The following PIK3C2G variants were observed in gnomAD, a reference collection of about 807,000 sequenced individuals.
PIK3C2G encodes the protein phosphatidylinositol 3-kinase C2 domain-containing subunit gamma.
PIK3C2G carries 168 observed loss-of-function variants against 181.1 expected under a neutral mutation model. The ratio of observed to expected loss-of-function variants is 0.93; its 90% CI spans 0.82 to 1.05. The LOEUF is 1.05. Among genes scored for constraint, PIK3C2G ranks in the 50% least tolerant of loss-of-function variants. PIK3C2G has a pLI of 0.00. For missense variants in PIK3C2G, 1,869 were observed against 1,732.8 expected (o/e 1.08, Z -1.40); for synonymous variants, 573 against 592.2 (o/e 0.97, Z 0.47).
chr12:18,419,576 T>G (rs1216247695), intron 16 of PIK3C2G, among the ~76,000 whole-genome samples: 1 of 152,214 alleles, frequency 6.6e-6, no homozygotes, highest in East Asian at 1.9e-4. Context: ...CACCTGTGCA[T>G]GACGTTATGC....
At chr12:18,292,688 T>C (rs1381297386) in intron 4 of PIK3C2G, among the ~76,000 whole-genome samples, 1 of 152,154 alleles carries the variant, frequency 6.6e-6, no homozygotes, top group East Asian at 1.9e-4. Context: ...CTTTACCCTA[T>C]AGCATGTCTA....
intron 30 of PIK3C2G, among the ~76,000 whole-genome samples, chr12:18,604,137 C>T (rs1947885342): frequency 6.6e-6 from 1 of 152,142 alleles, no homozygotes; most frequent in Non-Finnish European, 1.5e-5. Context: ...CCATCTGCTG[C>T]CTTCAGGAGA....
chr12:18,652,276 T>C (rs1950552194), downstream of PIK3C2G, among the ~76,000 whole-genome samples: 1 of 152,098 alleles, frequency 6.6e-6, no homozygotes. Flanking sequence ...AGTATATGAC[T>C]GATATACTTA....
At chr12:18,545,554 T>C (rs1944379550) in intron 25 of PIK3C2G, among the ~76,000 whole-genome samples, 1 of 151,866 alleles carries the variant, frequency 6.6e-6, no homozygotes, top group Admixed American at 6.6e-5. Context: ...AGTTCTATTA[T>C]TTTCTTTAAA....
chr12:18,429,309 C>T (rs1180039908), intron 18 of PIK3C2G, among the ~76,000 whole-genome samples: 1 of 152,146 alleles, frequency 6.6e-6, no homozygotes, highest in Non-Finnish European at 1.5e-5. Context: ...CCTGCTTACA[C>T]CCTGATTTTG....
At chr12:18,655,008 T>G in the PIK3C2G span, among the ~76,000 whole-genome samples, 1 of 151,770 alleles carries the variant, frequency 6.6e-6, no homozygotes, top group East Asian at 1.9e-4. Context: ...GAATAAAAAG[T>G]TATAAACCCA....
At chr12:18,547,537 T>C (rs946684843) in intron 26 of PIK3C2G, among the ~76,000 whole-genome samples, 4 of 152,014 alleles carry the variant, frequency 2.6e-5, no homozygotes, top group African/African-American at 9.7e-5. Flanking sequence ...CCACAATTAG[T>C]AGAAGTAGCA....
chr12:18,598,865 G>A (rs1396660338), intron 30 of PIK3C2G, among the ~76,000 whole-genome samples: 1 of 151,878 alleles, frequency 6.6e-6, no homozygotes, highest in Non-Finnish European at 1.5e-5. Context: ...CTCAAAAGAA[G>A]ACATTTATGC....
At chr12:18,668,949 G>A in the PIK3C2G span, among the ~76,000 whole-genome samples, 29 of 151,924 alleles carry the variant, frequency 1.9e-4, no homozygotes, top group African/African-American at 5.1e-4. Context: ...AGAAAAAATC[G>A]TGAATAAGAG....
intron 17 of PIK3C2G, among the ~76,000 whole-genome samples, chr12:18,421,508 C>A (rs1945485269): frequency 6.6e-6 from 1 of 151,746 alleles, no homozygotes; most frequent in Non-Finnish European, 1.5e-5. Context: ...TCAAATATCA[C>A]AATGTTGGAG....
intron 13 of PIK3C2G, among the ~76,000 whole-genome samples, chr12:18,379,192 G>T (rs987833945): frequency 5.9e-5 from 9 of 152,020 alleles, no homozygotes; most frequent in South Asian, 4.2e-4. Context: ...CCATAAAAAA[G>T]GATGAGTTCA....
chr12:18,359,978 T>TA (rs1162359055), intron 11 of PIK3C2G, among the ~76,000 whole-genome samples: 3 of 152,172 alleles, frequency 2.0e-5, no homozygotes, highest in Non-Finnish European at 4.4e-5. Context: ...AAGTAATTAA[T>TA]AGTAAAGGAC....
intron 31 of PIK3C2G, among the ~76,000 whole-genome samples, chr12:18,638,737 C>T (rs755400148): frequency 1.3e-5 from 2 of 152,060 alleles, no homozygotes; most frequent in Admixed American, 6.6e-5. Flanking sequence ...ACAAAACTAA[C>T]CATCATACCT....
intron 18 of PIK3C2G, among the ~76,000 whole-genome samples, chr12:18,436,792 T>A (rs557618762): frequency 1.4e-3 from 206 of 152,110 alleles, no homozygotes; most frequent in Non-Finnish European, 2.4e-3. Flanking sequence ...TACAGAATAA[T>A]CTGACGTTCT....
intron 32 of PIK3C2G, among the ~76,000 whole-genome samples, chr12:18,647,269 G>A (rs886480841): frequency 3.3e-5 from 5 of 151,804 alleles, no homozygotes; most frequent in Admixed American, 3.3e-4. Context: ...ACAGAGATGG[G>A]AACCATAAAG....
chr12:18,587,251 G>C (rs781657754), intron 29 of PIK3C2G, among the ~76,000 whole-genome samples: 1 of 152,052 alleles, frequency 6.6e-6, no homozygotes, highest in Non-Finnish European at 1.5e-5. Context: ...CAAATAGGAA[G>C]ATAGGAAGTC....
intron 24 of PIK3C2G, among the ~76,000 whole-genome samples, chr12:18,516,078 C>G (rs1028065836): frequency 4.1e-4 from 62 of 152,002 alleles, no homozygotes; most frequent in African/African-American, 1.4e-3. Context: ...TTAATACATT[C>G]AGGTGTTTTC....
At chr12:18,555,279 T>C (rs1373590537) in intron 26 of PIK3C2G, among the ~76,000 whole-genome samples, 1 of 152,194 alleles carries the variant, frequency 6.6e-6, no homozygotes, top group East Asian at 1.9e-4. Flanking sequence ...CTCTCCTCAA[T>C]GCTTAGTCTG....
the PIK3C2G span, among the ~76,000 whole-genome samples, chr12:18,686,935 T>C: frequency 0.45 from 68,169 of 151,710 alleles, 16,018 homozygotes; most frequent in African/African-American, 0.59. Flanking sequence ...AGAATCACAG[T>C]ATTATAAGGG....
Sources: gnomAD v4.1 joint callset for allele counts (sites outside exome capture counted in the v4.1 genomes callset) on GRCh38, gnomAD v4.1.1 for gene constraint, MANE v1.5 for transcripts, NCBI Gene and HGNC (gene_info 2026-07-23, HGNC 2026-07-21) for gene names.